Variants in COL19A1 observed in about 807,000 individuals in gnomAD.
COL19A1 encodes collagen alpha-1(XIX) chain.
In COL19A1, 159 loss-of-function variants were observed where a neutral mutation model predicts 190.2. The ratio of observed to expected loss-of-function variants is 0.84; its 90% CI spans 0.73 to 0.95. The LOEUF (loss-of-function observed/expected upper bound fraction) is 0.95, where lower values mean the gene tolerates loss of function less well. Ranked by LOEUF, COL19A1 falls within the 40% of genes least tolerant of loss-of-function variation. The probability of loss-of-function intolerance (pLI) is 0.00; values close to 1 mark genes in which losing one functional copy is unlikely to be tolerated. For synonymous variants in COL19A1, 509 were observed against 458.9 expected (o/e 1.11, Z -1.39); for missense variants, 1,418 against 1,431.9 (o/e 0.99, Z 0.16).
At chr6:70,178,176 C>T (rs983851183) in intron 42 of COL19A1, among the ~76,000 whole-genome samples, 6 of 152,084 alleles carry the variant, frequency 3.9e-5, no homozygotes, top group African/African-American at 1.4e-4. Context: ...ACACTTGAGC[C>T]CAGGAGTTAG....
In COL19A1 at chr6:69,954,722, A is replaced by G. The variant is rs1279190687; in HGVS notation, c.937-5274A>G. Among the ~76,000 whole-genome samples, 3 of 152,012 alleles carry G rather than the reference A, an allele frequency of 2.0e-5. No homozygotes were observed. In the East Asian group the frequency reaches 5.8e-4, roughly 29 times the overall value. Reference sequence around the variant, plus strand: ...AGTTATATTGCTTTCTTTTTATCCAAACTAGATTTGAAAATCTCCTAACTT... The same window carrying G: ...AGTTATATTGCTTTCTTTTTATCCAGACTAGATTTGAAAATCTCCTAACTT... On this transcript the variant is annotated intron_variant, in intron 9 of 50. Transcript: ENST00000620364.
intron 31 of COL19A1, among the ~76,000 whole-genome samples, chr6:70,154,423 G>T (rs1787305579): frequency 1.3e-5 from 2 of 152,088 alleles, no homozygotes; most frequent in African/African-American, 4.8e-5. Flanking sequence ...AAACATACGT[G>T]TGCATGTGTC....
chr6:70,176,586 T>A, intron 42 of COL19A1, 22 bp downstream of exon 42: 1 of 1,611,568 alleles, frequency 6.2e-7, no homozygotes, highest in Non-Finnish European at 8.5e-7. Context: ...TTACTTCACA[T>A]CATTTTCACA....
Position 70,146,659 on chromosome 6 carries a change from G to A in COL19A1, c.1771G>A (p.Gly591Arg), listed in dbSNP as rs757715521. Residue 591 changes from glycine to arginine, a missense_variant and splice_region_variant, in exon 26 of 51, where the codon GGA (glycine) becomes AGA (arginine). Transcript: ENST00000620364. ...PPGKSLPGEP[G>R]LDGNPGAPGP... is the part of the protein sequence containing the mutation. ...TGTATTCATACTTTTTTTCTTTTAG[G>A]GATTAGATGGAAATCCTGGAGCACC... 4.5e-5 allele frequency: 72 copies of A among 1,599,960 alleles called. No individual in the cohort carries two copies. The highest frequency in any genetic ancestry group is 6.0e-5 in the Non-Finnish European group (70 of 1,174,142).
rs141398223 is a variant in COL19A1 at position 70,190,969 on chromosome 6, T to A, written c.3094+588T>A. On this transcript the variant is annotated intron_variant, in intron 48 of 50. Transcript: ENST00000620364. ...AAAAATCAAAAGATATTTCATGATATGTGAAAATTATCTGAAATTTGAATT... is the reference window on the plus strand; with the variant it reads ...AAAAATCAAAAGATATTTCATGATAAGTGAAAATTATCTGAAATTTGAATT... Among the ~76,000 whole-genome samples the A allele has an allele frequency of 6.6e-4, 100 of 152,336 alleles. 1 individual carries two copies. Among genetic ancestry groups the A allele is most frequent in the Middle Eastern group, 3.4e-3 (1 of 294 alleles).
At chr6:69,904,589 AG>A (rs1179268788) in intron 4 of COL19A1, among the ~76,000 whole-genome samples, 1 of 152,182 alleles carries the variant, frequency 6.6e-6, no homozygotes, top group African/African-American at 2.4e-5. Context: ...GGGGGGTTCC[AG>A]GGCTCTCCAC....
intron 31 of COL19A1, among the ~76,000 whole-genome samples, chr6:70,152,270 T>C (rs147216040): frequency 2.0e-5 from 3 of 152,168 alleles, no homozygotes; most frequent in African/African-American, 7.2e-5. Flanking sequence ...TACAGTTATA[T>C]ATATATAATT....
intron 9 of COL19A1, among the ~76,000 whole-genome samples, chr6:69,953,105 GA>G (rs1210010874): frequency 6.6e-6 from 1 of 151,798 alleles, no homozygotes; most frequent in Non-Finnish European, 1.5e-5. Flanking sequence ...ATTTATTATA[GA>G]AATTGAGGCC....
chr6:69,963,936 A>G (rs1386977278), intron 11 of COL19A1, among the ~76,000 whole-genome samples: 1 of 152,228 alleles, frequency 6.6e-6, no homozygotes, highest in Non-Finnish European at 1.5e-5. Context: ...TTTCCTTCAG[A>G]TAATCATTTG....
chr6:69,879,740 A>C (rs1416462716), intron 2 of COL19A1, 82 bp downstream of exon 2: 1 of 1,216,412 alleles, frequency 8.2e-7, no homozygotes, highest in African/African-American at 1.5e-5. Flanking sequence ...TTAAGATTGA[A>C]AAGGCCATAG....
intron 11 of COL19A1, among the ~76,000 whole-genome samples, chr6:70,005,078 C>T (rs981766283): frequency 7.9e-5 from 12 of 151,994 alleles, no homozygotes; most frequent in Admixed American, 5.9e-4. Flanking sequence ...ATGATGTGCC[C>T]GCCTTGGCCT....
At chr6:70,191,785 C>T (rs1433441872) in intron 48 of COL19A1, among the ~76,000 whole-genome samples, 3 of 152,136 alleles carry the variant, frequency 2.0e-5, no homozygotes, top group African/African-American at 7.2e-5. Context: ...GCTTAGCATC[C>T]ATAAGCCAAA....
At chr6:70,187,990 T>C (rs1766631590) in intron 46 of COL19A1, 85 bp from the exon 47 acceptor site, 1 of 1,484,202 alleles carries the variant, frequency 6.7e-7, no homozygotes, top group Non-Finnish European at 9.2e-7. Flanking sequence ...AGCTAATAAG[T>C]GCCAGTATGA....
At chr6:70,101,387 A>G (rs1478401718) in intron 15 of COL19A1, among the ~76,000 whole-genome samples, 8 of 152,198 alleles carry the variant, frequency 5.3e-5, no homozygotes, top group Non-Finnish European at 1.5e-5. Context: ...TGCTTTTTAA[A>G]TGTTATTAGA....
chr6:69,994,677 C>A (rs1459522471), intron 11 of COL19A1, among the ~76,000 whole-genome samples: 3 of 152,052 alleles, frequency 2.0e-5, no homozygotes, highest in African/African-American at 7.2e-5. Flanking sequence ...TTGGCAGTTT[C>A]AAGAATTCAT....
chr6:70,051,895 C>T (rs908802879), intron 14 of COL19A1, among the ~76,000 whole-genome samples: 3 of 152,026 alleles, frequency 2.0e-5, no homozygotes, highest in Admixed American at 6.6e-5. Flanking sequence ...GTTAATAGAA[C>T]GCCAAGCAAG....
chr6:70,094,142 T>C (rs1240767951), intron 15 of COL19A1, among the ~76,000 whole-genome samples: 1 of 152,234 alleles, frequency 6.6e-6, no homozygotes, highest in African/African-American at 2.4e-5. Context: ...TAACATATTA[T>C]GTCTTCCTCA....
chr6:70,058,181 C>T (rs1236287876), intron 14 of COL19A1, among the ~76,000 whole-genome samples: 4 of 151,912 alleles, frequency 2.6e-5, no homozygotes, highest in Admixed American at 6.6e-5. Context: ...TTTCTGAGTT[C>T]AAAAAACATG....
intron 9 of COL19A1, among the ~76,000 whole-genome samples, chr6:69,956,754 T>A (rs902511283): frequency 3.9e-5 from 6 of 152,080 alleles, no homozygotes; most frequent in African/African-American, 1.4e-4. Context: ...AATATTCAAC[T>A]TAAGTAAATT....
Sources: allele counts gnomAD v4.1 joint callset (sites outside exome capture counted in the v4.1 genomes callset), GRCh38; gene constraint gnomAD v4.1.1; transcripts MANE v1.5; gene names NCBI Gene and HGNC (gene_info 2026-07-23, HGNC 2026-07-21).